The following ARIH1 variants were observed in gnomAD, a reference collection of about 807,000 sequenced individuals.
The protein encoded by ARIH1 is E3 ubiquitin-protein ligase ARIH1.
A neutral mutation model predicts 85.0 loss-of-function variants in ARIH1; 8 were observed. The ratio of observed to expected loss-of-function variants is 0.09; its 90% CI spans 0.06 to 0.17. The LOEUF is 0.17. Ranked by LOEUF, ARIH1 falls within the 10% of genes least tolerant of loss-of-function variation. The probability of loss-of-function intolerance (pLI) is 1.00; values close to 1 mark genes in which losing one functional copy is unlikely to be tolerated. For synonymous variants in ARIH1, 238 were observed against 253.6 expected (o/e 0.94, Z 0.59); for missense variants, 311 against 718.1 (o/e 0.43, Z 6.48).
intron 1 of ARIH1, among the ~76,000 whole-genome samples, chr15:72,505,805 G>C (rs2063922018): frequency 6.6e-6 from 1 of 152,044 alleles, no homozygotes; most frequent in African/African-American, 2.4e-5. Context: ...GTGCGATCTT[G>C]GTTCACTGCA....
At chr15:72,568,894 G>A (rs534182585) in intron 9 of ARIH1, among the ~76,000 whole-genome samples, 3 of 152,268 alleles carry the variant, frequency 2.0e-5, no homozygotes, top group South Asian at 4.1e-4. Flanking sequence ...AGGCCAAATT[G>A]TGCAAATACT....
chr15:72,547,289 A>G (rs1319937062), intron 3 of ARIH1, among the ~76,000 whole-genome samples: 5 of 148,500 alleles, frequency 3.4e-5, no homozygotes, highest in African/African-American at 1.2e-4. Flanking sequence ...CTGGAGTGCA[A>G]TGGCACAGTC....
intron 2 of ARIH1, among the ~76,000 whole-genome samples, chr15:72,527,720 T>C (rs971711700): frequency 6.6e-6 from 1 of 152,210 alleles, no homozygotes; most frequent in Non-Finnish European, 1.5e-5. Flanking sequence ...ACTGTCTTTT[T>C]TCCTAATTTT....
At chr15:72,555,786 T>C in intron 4 of ARIH1, 66 bp from the exon 5 acceptor site, 1 of 1,381,708 alleles carries the variant, frequency 7.2e-7, no homozygotes, top group Non-Finnish European at 1.0e-6. Context: ...GCAAAGTGCC[T>C]GGCGATGGTA....
rs1228494925 is a variant in ARIH1, at chr15:72,506,318, C to T, written c.376-11749C>T. Among the ~76,000 whole-genome samples the T allele has an allele frequency of 6.9e-5, 8 of 116,606 alleles. No homozygotes were observed. The South Asian group carries it at 1.2e-3, about 18-fold the overall frequency. The allele number at this position is 116,606 out of a possible 152,430, so 76.5% of individuals were successfully genotyped here. A position where few individuals can be genotyped will look rare whatever the true frequency, so the allele number is the denominator to read the frequency against. On this transcript the variant is annotated intron_variant, in intron 1 of 13. Transcript: ENST00000379887. ...TGAGGCGAGATTGCGCCACTGCACT[C>T]CAGCCTGGGCGACAGAGCAAGACTC...
At chr15:72,569,264 C>T (rs1850996288) in intron 9 of ARIH1, among the ~76,000 whole-genome samples, 1 of 152,118 alleles carries the variant, frequency 6.6e-6, no homozygotes, top group African/African-American at 2.4e-5. Context: ...GCCATGATTG[C>T]ACTGCTGCAC....
At chr15:72,570,719 C>G (rs2064240143) in intron 10 of ARIH1, among the ~76,000 whole-genome samples, 1 of 152,212 alleles carries the variant, frequency 6.6e-6, no homozygotes, top group South Asian at 2.1e-4. Flanking sequence ...CTCTGCATAT[C>G]ATTAGACATT....
At chr15:72,531,543 T>C (rs2064057183) in intron 2 of ARIH1, among the ~76,000 whole-genome samples, 3 of 152,130 alleles carry the variant, frequency 2.0e-5, no homozygotes, top group Non-Finnish European at 2.9e-5. Flanking sequence ...GCTGGTATTA[T>C]AGGGGTGAGC....
chr15:72,578,037 A>G (rs1216684939), intron 11 of ARIH1, among the ~76,000 whole-genome samples: 2 of 152,166 alleles, frequency 1.3e-5, no homozygotes, highest in African/African-American at 4.8e-5. Flanking sequence ...ATTTTCTGGC[A>G]CTGCTTCTTT....
chr15:72,540,696 C>T (rs996720288), intron 2 of ARIH1, among the ~76,000 whole-genome samples: 2 of 152,072 alleles, frequency 1.3e-5, no homozygotes, highest in South Asian at 4.1e-4. Flanking sequence ...TAGTGGTGTG[C>T]ACGTATAGTC....
In ARIH1 at chr15:72,475,029, C is replaced by T; in HGVS notation, c.375+15C>T. 6.5e-7 allele frequency: 1 copy of T among 1,550,188 alleles called. No homozygotes were observed. Among genetic ancestry groups the T allele is most frequent in the African/African-American group, 1.4e-5 (1 of 73,218 alleles). Reference sequence around the variant, plus strand: ...AGGTCATCCAGGTGAGGGTGGCCGCCGCGCCAGCTGGACCGGGCCCGACGG... The same window carrying T: ...AGGTCATCCAGGTGAGGGTGGCCGCTGCGCCAGCTGGACCGGGCCCGACGG... On this transcript the variant is annotated intron_variant, in intron 1 of 13. Transcript: ENST00000379887.
Position 72,586,320 on chromosome 15 carries a change from A to G in ARIH1, c.*3028A>G, listed in dbSNP as rs1003877392. On this transcript the variant is annotated 3_prime_UTR_variant, in exon 14 of 14. Transcript: ENST00000379887. ...AAGAGGGAAAAGGAGTTAATGTAAC[A>G]AATTATTTTAGCTACAAACCCCGGT... The G allele has an allele frequency of 2.0e-5, 3 of 152,300 alleles. No individual in the cohort carries two copies. The highest frequency in any genetic ancestry group is 2.9e-5 in the Non-Finnish European group (2 of 68,020). The allele number at this position is 152,300 out of a possible 1,614,324, so 9.4% of individuals were successfully genotyped here.
chr15:72,602,933 T>A lies in ARIH1; in HGVS notation c.*19641T>A, dbSNP rs2064387042. 1 of 152,180 alleles carries A rather than the reference T, an allele frequency of 6.6e-6. No homozygotes were observed. Among genetic ancestry groups the A allele is most frequent in the South Asian group, 2.1e-4 (1 of 4,836 alleles). The allele number at this position is 152,180 out of a possible 1,614,324, so 9.4% of individuals were successfully genotyped here. ...ATGTATTTTGCTGCTTGGCTCCCCG[T>A]CTCCATTTTGCTATGGCAAACATTT... On this transcript the variant is annotated 3_prime_UTR_variant, in exon 14 of 14. Coordinates refer to ENST00000379887, the MANE Select transcript of ARIH1 (RefSeq NM_005744.5).
chr15:72,516,552 T>A (rs1054090391), intron 1 of ARIH1, among the ~76,000 whole-genome samples: 3 of 152,224 alleles, frequency 2.0e-5, no homozygotes, highest in Non-Finnish European at 4.4e-5. Flanking sequence ...ATCTTAACTC[T>A]TATAGATGGG....
chr15:72,518,590 C>T (rs1295753127), intron 2 of ARIH1, among the ~76,000 whole-genome samples: 1 of 152,056 alleles, frequency 6.6e-6, no homozygotes, highest in African/African-American at 2.4e-5. Flanking sequence ...GAGATTGAGA[C>T]CACCCTGGCC....
At chr15:72,535,876 G>A (rs1287035386) in intron 2 of ARIH1, among the ~76,000 whole-genome samples, 1 of 152,124 alleles carries the variant, frequency 6.6e-6, no homozygotes, top group Admixed American at 6.5e-5. Context: ...GGTTCTTGTC[G>A]TTTTGGGGAC....
intron 2 of ARIH1, among the ~76,000 whole-genome samples, chr15:72,523,714 G>A (rs1008308260): frequency 3.3e-5 from 5 of 152,058 alleles, no homozygotes; most frequent in African/African-American, 4.8e-5. Context: ...GTTGTTGATA[G>A]GGAGGCTATG....
At chr15:72,546,457 G>T (rs79442293) in intron 3 of ARIH1, among the ~76,000 whole-genome samples, 1 of 152,058 alleles carries the variant, frequency 6.6e-6, no homozygotes. Context: ...TGGCTTTAGC[G>T]GGAGGTAAGC....
chr15:72,561,395 C>T, intron 5 of ARIH1, 88 bp from the exon 6 acceptor site: 1 of 918,434 alleles, frequency 1.1e-6, no homozygotes, highest in Non-Finnish European at 1.7e-6. Context: ...GTAGCCGTAG[C>T]ATAAACAGCT....
Sources: gnomAD v4.1 joint callset for allele counts (sites outside exome capture counted in the v4.1 genomes callset) on GRCh38, gnomAD v4.1.1 for gene constraint, MANE v1.5 for transcripts, NCBI Gene and HGNC (gene_info 2026-07-23, HGNC 2026-07-21) for gene names.